The following PRKAR1B variants were observed in gnomAD, a reference collection of about 807,000 sequenced individuals.
PRKAR1B encodes the protein protein kinase cAMP-dependent type I regulatory subunit beta.
A neutral mutation model predicts 46.5 loss-of-function variants in PRKAR1B; 22 were observed. The ratio of observed to expected loss-of-function variants is 0.47; its 90% CI spans 0.34 to 0.68. The LOEUF (loss-of-function observed/expected upper bound fraction) is 0.68. PRKAR1B is among the 30% of genes least tolerant of loss of function. The pLI, the probability that PRKAR1B is intolerant of heterozygous loss-of-function variation, is 0.01. For synonymous variants in PRKAR1B, 259 were observed against 217.7 expected, an observed-to-expected ratio of 1.19 and a Z score of -1.67; for missense variants, 445 against 535.6, an observed-to-expected ratio of 0.83 and a Z score of 1.67.
intron 9 of PRKAR1B, among the ~76,000 whole-genome samples, chr7:552,512 T>TC (rs1198696979): frequency 1.7e-5 from 2 of 116,192 alleles, no homozygotes; most frequent in African/African-American, 3.5e-5. Flanking sequence ...CAGGTCCTTC[T>TC]CCAGAGCCAC....
At chr7:660,885 T>C (rs1407869408) in intron 4 of PRKAR1B, among the ~76,000 whole-genome samples, 138 of 31,566 alleles carry the variant, frequency 4.4e-3, no homozygotes, top group Middle Eastern at 0.026. Context: ...AGGTCCCTAC[T>C]CCAACGGGTC....
intron 4 of PRKAR1B, among the ~76,000 whole-genome samples, chr7:659,465 C>A (rs971355495): frequency 6.6e-6 from 1 of 152,190 alleles, no homozygotes; most frequent in Non-Finnish European, 1.5e-5. Context: ...AGGAGGGCAC[C>A]CACATGGTGG....
At chr7:713,671 C>G (rs1316920648) in intron 1 of PRKAR1B, among the ~76,000 whole-genome samples, 1 of 152,182 alleles carries the variant, frequency 6.6e-6, no homozygotes, top group African/African-American at 2.4e-5. Context: ...CCCATGCTCA[C>G]CTGGTCCACA....
At chr7:685,290 GTATACATATATA>G (rs1778975506) in intron 2 of PRKAR1B, among the ~76,000 whole-genome samples, 2 of 13,120 alleles carry the variant, frequency 1.5e-4, no homozygotes, top group African/African-American at 3.9e-4. Context: ...GTATATATAT[GTATACATATATA>G]TATACGTATA....
At chr7:603,755 A>G (rs1317797879) in intron 6 of PRKAR1B, among the ~76,000 whole-genome samples, 1 of 91,984 alleles carries the variant, frequency 1.1e-5, no homozygotes, top group African/African-American at 4.6e-5. Context: ...GTGGGGGAGG[A>G]GGTGACACCA....
chr7:569,008 TA>T (rs1312523360), intron 9 of PRKAR1B, among the ~76,000 whole-genome samples: 2 of 150,898 alleles, frequency 1.3e-5, no homozygotes, highest in African/African-American at 4.9e-5. Flanking sequence ...TTAGAGTTGT[TA>T]TTTTTTTTTT....
intron 4 of PRKAR1B, among the ~76,000 whole-genome samples, chr7:635,184 C>G (rs574428188): frequency 4.6e-5 from 7 of 152,340 alleles, no homozygotes; most frequent in African/African-American, 1.7e-4. Context: ...TCCAGCTTCT[C>G]TGGAAAAATC....
intron 7 of PRKAR1B, among the ~76,000 whole-genome samples, chr7:586,886 CTTTT>C (rs67760235): frequency 2.3e-5 from 3 of 129,320 alleles, no homozygotes; most frequent in Non-Finnish European, 3.2e-5. Flanking sequence ...ATCCCACCTT[CTTTT>C]TTTTTTTTTT....
rs1036655998 is a variant in PRKAR1B at position 659,752 on chromosome 7, C to T, written c.440+17477G>A. On this transcript the variant is annotated intron_variant, in intron 4 of 10. Transcript: ENST00000537384. ...TTTTTGAGACGGAGTCTCGCTCTGT[C>T]GCCCAGTGCAGTGGCGCGATCTCGG... Among the ~76,000 whole-genome samples the T allele has an allele frequency of 2.6e-5, 4 of 152,262 alleles. No individual in the cohort carries two copies. The East Asian group carries it at 5.8e-4, about 22-fold the overall frequency.
chr7:636,339 GCCGCGCCCAC>G (rs1562579118), intron 4 of PRKAR1B, among the ~76,000 whole-genome samples: 356 of 12,836 alleles, frequency 0.028, 27 homozygotes, highest in Middle Eastern at 0.14. Context: ...TCCTCCACCG[GCCGCGCCCAC>G]ACGTCCTCCA....
intron 7 of PRKAR1B, among the ~76,000 whole-genome samples, chr7:587,633 C>T (rs919539898): frequency 6.6e-6 from 1 of 152,264 alleles, no homozygotes; most frequent in African/African-American, 2.4e-5. Flanking sequence ...TGAGGGACCA[C>T]CACACAGCCC....
intron 4 of PRKAR1B, among the ~76,000 whole-genome samples, chr7:660,983 C>T (rs1418183167): frequency 9.5e-6 from 1 of 105,254 alleles, no homozygotes; most frequent in Non-Finnish European, 2.0e-5. Context: ...AGGTCCCCAC[C>T]CCAACAGATC....
chr7:664,848 A>T (rs1314399231), intron 4 of PRKAR1B, among the ~76,000 whole-genome samples: 1 of 152,164 alleles, frequency 6.6e-6, no homozygotes, highest in Non-Finnish European at 1.5e-5. Context: ...CAGGAAGTCG[A>T]GGCTGCAGTG....
At chr7:582,154 C>T (rs761492505) in intron 8 of PRKAR1B, among the ~76,000 whole-genome samples, 9 of 135,788 alleles carry the variant, frequency 6.6e-5, no homozygotes, top group Admixed American at 2.1e-4. Flanking sequence ...AGGCTGCGTG[C>T]ACCTGCCCAG....
At chr7:680,816 G>A in intron 2 of PRKAR1B, 90 bp from the exon 3 acceptor site, 1 of 1,467,520 alleles carries the variant, frequency 6.8e-7, no homozygotes, top group East Asian at 2.3e-5. Flanking sequence ...CAGCACTGTG[G>A]GAGGACTAGT....
At chr7:565,147 C>T (rs1278708853) in intron 9 of PRKAR1B, 1 of 152,224 alleles carries the variant, frequency 6.6e-6, no homozygotes, top group Non-Finnish European at 1.5e-5. Flanking sequence ...CCAACAGATG[C>T]TCCAACCATC....
rs997017197 is a variant in PRKAR1B at position 714,952 on chromosome 7, G to A, written c.-22-3425C>T. ...TGTAATCCCAGCACTTTGGGAGGCCGAGGCAGGTGGGTCACTGGAGGTCAG... is the reference window on the plus strand; with the variant it reads ...TGTAATCCCAGCACTTTGGGAGGCCAAGGCAGGTGGGTCACTGGAGGTCAG... On this transcript the variant is annotated intron_variant, in intron 1 of 10. Coordinates refer to ENST00000537384, the MANE Select transcript of PRKAR1B (RefSeq NM_001164760.2). The surrounding 1 kb of genome is among the most constrained non-coding windows in gnomAD (Gnocchi z 4.3). Among the ~76,000 whole-genome samples the A allele has an allele frequency of 1.3e-5, 2 of 152,146 alleles. No individual in the cohort carries two copies. Among genetic ancestry groups the A allele is most frequent in the African/African-American group, 2.4e-5 (1 of 41,434 alleles).
chr7:633,572 G>A (rs1009342263), intron 4 of PRKAR1B, among the ~76,000 whole-genome samples: 4 of 152,062 alleles, frequency 2.6e-5, no homozygotes, highest in South Asian at 2.1e-4. Context: ...AAGACCAGCC[G>A]GGGCAATACA....
chr7:700,268 A>G (rs540853549), intron 2 of PRKAR1B, among the ~76,000 whole-genome samples: 1 of 152,324 alleles, frequency 6.6e-6, no homozygotes, highest in South Asian at 2.1e-4. Flanking sequence ...AGCACCCCAA[A>G]GGCTTGGAAA....
Sources: allele counts gnomAD v4.1 joint callset (sites outside exome capture counted in the v4.1 genomes callset), GRCh38; gene constraint gnomAD v4.1.1; non-coding constraint Gnocchi (gnomAD v3.1); transcripts MANE v1.5; gene names NCBI Gene and HGNC (gene_info 2026-07-23, HGNC 2026-07-21).